RNGTT: variants seen among roughly 807,000 people sequenced by gnomAD.
The protein encoded by RNGTT is RNA guanylyltransferase and 5'-phosphatase.
A neutral mutation model predicts 79.3 loss-of-function variants in RNGTT; 33 were observed. The ratio of observed to expected loss-of-function variants is 0.42; its 90% CI spans 0.32 to 0.56. The LOEUF (loss-of-function observed/expected upper bound fraction) is 0.56. Among genes scored for constraint, RNGTT ranks in the 20% least tolerant of loss-of-function variants. The probability of loss-of-function intolerance (pLI) is 0.17; values close to 1 mark genes in which losing one functional copy is unlikely to be tolerated. For missense variants in RNGTT, 497 were observed against 739.1 expected (o/e 0.67, Z 3.80); for synonymous variants, 222 against 235.9 (o/e 0.94, Z 0.54).
chr6:88,941,298 C>T (rs1026188815), intron 1 of RNGTT, 118 bp from the exon 2 acceptor site: 9 of 658,434 alleles, frequency 1.4e-5, no homozygotes, highest in East Asian at 2.8e-5. Context: ...GACCAAGTGT[C>T]GCTCTGTCCC....
intron 14 of RNGTT, among the ~76,000 whole-genome samples, chr6:88,621,096 G>C (rs34574478): frequency 5.9e-5 from 9 of 152,118 alleles, no homozygotes; most frequent in Admixed American, 2.0e-4. Flanking sequence ...CTGTGTATGA[G>C]GCAACATGAA....
At chr6:88,784,776 AAT>A (rs1190541356) in intron 12 of RNGTT, among the ~76,000 whole-genome samples, 1 of 152,168 alleles carries the variant, frequency 6.6e-6, no homozygotes, top group Non-Finnish European at 1.5e-5. Context: ...CTATGATTCC[AAT>A]ATGTCTCCCT....
intron 13 of RNGTT, among the ~76,000 whole-genome samples, chr6:88,691,190 C>T (rs560343497): frequency 2.0e-5 from 3 of 152,070 alleles, no homozygotes; most frequent in Non-Finnish European, 4.4e-5. Context: ...TGAGTTCTCA[C>T]GAGACATGGT....
intron 12 of RNGTT, among the ~76,000 whole-genome samples, chr6:88,780,864 T>C (rs914412538): frequency 6.6e-6 from 1 of 152,156 alleles, no homozygotes; most frequent in African/African-American, 2.4e-5. Flanking sequence ...ACTGGAGGTA[T>C]ACATGATATA....
intron 14 of RNGTT, among the ~76,000 whole-genome samples, chr6:88,675,081 G>GCC (rs1774813640): frequency 6.8e-6 from 1 of 148,062 alleles, no homozygotes; most frequent in South Asian, 2.1e-4. Context: ...CTGGGTGACA[G>GCC]AGTGAGACTC....
At chr6:88,665,399 G>A (rs930233859) in intron 14 of RNGTT, among the ~76,000 whole-genome samples, 1 of 152,108 alleles carries the variant, frequency 6.6e-6, no homozygotes, top group African/African-American at 2.4e-5. Context: ...GAATTATAGT[G>A]CCTTGTCAGT....
intron 13 of RNGTT, among the ~76,000 whole-genome samples, chr6:88,718,465 G>A (rs1438371957): frequency 6.6e-6 from 1 of 151,386 alleles, no homozygotes; most frequent in Non-Finnish European, 1.5e-5. Context: ...CTGGAGAAAT[G>A]GAAGGAAAGA....
chr6:88,672,879 AGAGT>A (rs2127787322), intron 14 of RNGTT, among the ~76,000 whole-genome samples: 1 of 152,308 alleles, frequency 6.6e-6, no homozygotes, highest in African/African-American at 2.4e-5. Flanking sequence ...AAATAATGGA[AGAGT>A]GTGTGTGTGT....
At chr6:88,659,723 C>T (rs1190593985) in intron 14 of RNGTT, among the ~76,000 whole-genome samples, 1 of 151,950 alleles carries the variant, frequency 6.6e-6, no homozygotes, top group Admixed American at 6.5e-5. Flanking sequence ...ATTTAGAAAA[C>T]TTATTTGAGG....
At chr6:88,926,739 C>G (rs996299285) in intron 4 of RNGTT, among the ~76,000 whole-genome samples, 8 of 152,128 alleles carry the variant, frequency 5.3e-5, no homozygotes, top group African/African-American at 1.9e-4. Context: ...CTTAACTTTT[C>G]CAAGTCTCAG....
At chr6:88,698,619 A>G (rs1775839407) in intron 13 of RNGTT, among the ~76,000 whole-genome samples, 1 of 151,904 alleles carries the variant, frequency 6.6e-6, no homozygotes. Flanking sequence ...TTTTCTTTTG[A>G]TATCAGCTCT....
intron 8 of RNGTT, among the ~76,000 whole-genome samples, chr6:88,888,040 C>A (rs1782925782): frequency 6.6e-6 from 1 of 152,002 alleles, no homozygotes; most frequent in South Asian, 2.1e-4. Flanking sequence ...TGACTTGAGC[C>A]CAGGAGGTCA....
chr6:88,925,884 T>TA (rs1175759685), intron 4 of RNGTT, among the ~76,000 whole-genome samples: 6 of 151,474 alleles, frequency 4.0e-5, no homozygotes, highest in East Asian at 3.9e-4. Context: ...CCCTGTCTCT[T>TA]AAAAAAAAAT....
At chr6:88,803,217 T>C (rs9359816) in intron 11 of RNGTT, among the ~76,000 whole-genome samples, 31,754 of 152,018 alleles carry the variant, frequency 0.21, 4,289 homozygotes, top group African/African-American at 0.38. Flanking sequence ...GACACTGAGA[T>C]AGAAATTAGA....
At chr6:88,764,093 C>T (rs1291488175) in intron 13 of RNGTT, among the ~76,000 whole-genome samples, 1 of 152,136 alleles carries the variant, frequency 6.6e-6, no homozygotes, top group Non-Finnish European at 1.5e-5. Flanking sequence ...TCTTATGAAC[C>T]CTATAAGGCC....
chr6:88,692,840 T>A (rs1775531627), intron 13 of RNGTT, among the ~76,000 whole-genome samples: 1 of 151,750 alleles, frequency 6.6e-6, no homozygotes, highest in African/African-American at 2.4e-5. Flanking sequence ...TTGTTTAAAA[T>A]ATATATATAT....
intron 15 of RNGTT, among the ~76,000 whole-genome samples, chr6:88,613,773 C>G (rs2236286): frequency 0.21 from 32,611 of 152,122 alleles, 4,040 homozygotes; most frequent in African/African-American, 0.34. Flanking sequence ...TTCTGAATTC[C>G]CAAAGCATTC....
chr6:88,933,514 TC>T (rs1195212884), intron 2 of RNGTT, among the ~76,000 whole-genome samples: 5 of 152,040 alleles, frequency 3.3e-5, no homozygotes, highest in African/African-American at 1.2e-4. Flanking sequence ...AGAGTCTCAC[TC>T]TGTTGCCCCG....
intron 14 of RNGTT, among the ~76,000 whole-genome samples, chr6:88,627,583 C>A (rs1772680358): frequency 6.6e-6 from 1 of 152,062 alleles, no homozygotes; most frequent in African/African-American, 2.4e-5. Flanking sequence ...GGGAGTAAAC[C>A]AAAATGCTGA....
Sources: gnomAD v4.1 joint callset for allele counts (sites outside exome capture counted in the v4.1 genomes callset) on GRCh38, gnomAD v4.1.1 for gene constraint, MANE v1.5 for transcripts, NCBI Gene and HGNC (gene_info 2026-07-23, HGNC 2026-07-21) for gene names.